The following TNS3 variants were observed in gnomAD, a reference collection of about 807,000 sequenced individuals.
The protein encoded by TNS3 is tensin-3.
Under a neutral mutation model 140.9 loss-of-function variants are expected in TNS3, and 45 were observed. That is an observed-to-expected ratio of 0.32 (90% CI 0.25 to 0.41). The LOEUF is 0.41. Ranked by LOEUF, TNS3 falls within the 10% of genes least tolerant of loss-of-function variation. The pLI is 1.00. For synonymous variants in TNS3, 815 were observed against 788.4 expected (o/e 1.03, Z -0.56); for missense variants, 1,716 against 1,906.7 (o/e 0.90, Z 1.86).
At chr7:47,518,357 TC>T (rs1798850176) in intron 2 of TNS3, among the ~76,000 whole-genome samples, 1 of 152,096 alleles carries the variant, frequency 6.6e-6, no homozygotes, top group East Asian at 1.9e-4. Context: ...CATGCTCTTA[TC>T]TATTTGCTGT....
At chr7:47,339,920 T>C (rs1053507169) in intron 20 of TNS3, among the ~76,000 whole-genome samples, 2 of 148,250 alleles carry the variant, frequency 1.3e-5, no homozygotes, top group South Asian at 4.3e-4. Context: ...TAGGTTTACA[T>C]CTAACCATTT....
intron 3 of TNS3, 93 bp downstream of exon 3, chr7:47,506,814 G>C: frequency 4.1e-6 from 4 of 975,254 alleles, no homozygotes; most frequent in Non-Finnish European, 5.5e-6. Context: ...TTCTTTCCGT[G>C]GCTGCAGTCC....
chr7:47,464,096 G>C (rs111273411), intron 4 of TNS3, among the ~76,000 whole-genome samples: 1 of 152,138 alleles, frequency 6.6e-6, no homozygotes, highest in Non-Finnish European at 1.5e-5. Flanking sequence ...CAAAGCCTTA[G>C]AGGAATCCTT....
At position 47,368,857 on chromosome 7, in the gene TNS3, C is replaced by T; in HGVS notation, c.1789G>A (p.Val597Ile). 3 of 1,613,672 alleles carry T rather than the reference C, an allele frequency of 1.9e-6. No individual in the cohort carries two copies. The highest frequency in any genetic ancestry group is 1.7e-6 in the Non-Finnish European group (2 of 1,179,938). ...QTWVRQQQMV[V>I]AHQYSFAPDG... ...GGGGCGAAGCTATACTGGTGAGCTA[C>T]AACCATCTGCTGCTGGCGCACCCAG... The change falls in exon 17 of 31, where the codon GTA becomes ATA. Residue 597 changes from valine to isoleucine, a missense_variant. Val to Ile is a conservative substitution (Grantham distance 29). Transcript: ENST00000311160.
At chr7:47,533,103 T>TTATATATATATATATATATATATA in intron 1 of TNS3, among the ~76,000 whole-genome samples, 20 of 18,600 alleles carry the variant, frequency 1.1e-3, no homozygotes, top group East Asian at 2.2e-3. Context: ...TTGTCAGATT[T>TTATATATATATATATATATATATA]TATATATATA....
intron 16 of TNS3, among the ~76,000 whole-genome samples, chr7:47,388,967 A>AAGCAGAAGC (rs1259802141): frequency 1.3e-5 from 2 of 150,590 alleles, no homozygotes; most frequent in Middle Eastern, 3.4e-3. Flanking sequence ...GAAGAAGCAG[A>AAGCAGAAGC]AGCAGAAGAA....
intron 1 of TNS3, among the ~76,000 whole-genome samples, chr7:47,551,237 G>C (rs1297770945): frequency 1.3e-5 from 2 of 152,232 alleles, no homozygotes; most frequent in East Asian, 1.9e-4. Context: ...CGGGCAGAAG[G>C]CTGGCCTGGT....
rs1342861657 is a variant in TNS3, at chr7:47,303,401, C to A, written c.3006G>T (p.Leu1002=). 6.2e-7 allele frequency: 1 copy of A among 1,613,854 alleles called. No individual in the cohort carries two copies. The highest frequency in any genetic ancestry group is 1.7e-5 in the Admixed American group (1 of 60,020). Residue 1002 remains leucine, a synonymous_variant, in exon 22 of 31, where the codon CTG becomes CTT. Coordinates refer to ENST00000311160, the MANE Select transcript of TNS3 (RefSeq NM_022748.12). ...GGGAGTCCGGTGGCTCTGCTAGGGA[C>A]AGCTCATGGCTGTGGAAAGGAGCCT... ...ELQAPFHSHE[L]SLAEPPDSLA...
chr7:47,407,262 G>A lies in TNS3; in HGVS notation c.723+4465C>T, dbSNP rs1453267666. On this transcript the variant is annotated intron_variant, in intron 13 of 30. Transcript: ENST00000311160. The surrounding 1 kb of genome is among the most constrained non-coding windows in gnomAD (Gnocchi z 4.1). ...CCACAGATGTGAGCTCTGCTGTGAA[G>A]CCACTCCTTCTCTGACACGCTGGAA... Among the ~76,000 whole-genome samples the A allele has an allele frequency of 6.6e-6, 1 of 152,154 alleles. No homozygotes were observed. Among genetic ancestry groups the A allele is most frequent in the Non-Finnish European group, 1.5e-5 (1 of 68,024 alleles).
intron 17 of TNS3, among the ~76,000 whole-genome samples, chr7:47,348,049 G>A (rs931722385): frequency 3.3e-5 from 5 of 152,160 alleles, no homozygotes; most frequent in Admixed American, 3.3e-4. Context: ...GGCCAGGGAG[G>A]GGACCACCCT....
At chr7:47,491,877 CATCA>C (rs1797825960) in intron 3 of TNS3, among the ~76,000 whole-genome samples, 1 of 152,172 alleles carries the variant, frequency 6.6e-6, no homozygotes, top group African/African-American at 2.4e-5. Context: ...TGCATGGCCC[CATCA>C]ATCACAGCCA....
chr7:47,383,729 T>G (rs948168565), intron 16 of TNS3, among the ~76,000 whole-genome samples: 3 of 152,148 alleles, frequency 2.0e-5, no homozygotes, highest in African/African-American at 7.2e-5. Context: ...AGGGGATTTC[T>G]GCAAGGGAGC....
chr7:47,461,051 A>C lies in TNS3; in HGVS notation c.-75-18996T>G, dbSNP rs555528094. On this transcript the variant is annotated intron_variant, in intron 4 of 30. Coordinates refer to ENST00000311160, the MANE Select transcript of TNS3 (RefSeq NM_022748.12). The stretch of plus-strand genomic sequence containing the variant: ...CAGCTGTTAGAATGTGTCCAGTCTC[A>C]CTGACAATGCTGGAGTTGAAAAAAA... Among the ~76,000 whole-genome samples the C allele has an allele frequency of 2.0e-5, 3 of 152,332 alleles. No homozygotes were observed. In the East Asian group the frequency reaches 5.8e-4, roughly 29 times the overall value.
intron 1 of TNS3, among the ~76,000 whole-genome samples, chr7:47,540,757 C>T (rs1310642078): frequency 6.6e-6 from 1 of 152,112 alleles, no homozygotes; most frequent in Non-Finnish European, 1.5e-5. Context: ...GGTGGTAAAG[C>T]GCCGTATTTT....
At chr7:47,387,315 C>A (rs1792131764) in intron 16 of TNS3, among the ~76,000 whole-genome samples, 1 of 152,220 alleles carries the variant, frequency 6.6e-6, no homozygotes, top group Admixed American at 6.5e-5. Flanking sequence ...TAAGAACCAA[C>A]TTGGAATCCT....
In TNS3 at chr7:47,424,034, G is replaced by T. The variant is rs150385411; in HGVS notation, c.473+67C>A. ...TCGGGACAGAGGAGATGCCTCTTCT[G>T]TTTTCACATTTTTATATGTAAAATT... On this transcript the variant is annotated intron_variant, in intron 10 of 30. Transcript: ENST00000311160. The T allele has an allele frequency of 1.0e-4, 153 of 1,522,394 alleles. No homozygotes were observed. The East Asian group carries it at 3.4e-3, about 34-fold the overall frequency. 94.3% of individuals were successfully genotyped at this position (1,522,394 alleles called of 1,614,324 possible).
At chr7:47,548,553 G>C (rs939914161) in intron 1 of TNS3, among the ~76,000 whole-genome samples, 1 of 152,126 alleles carries the variant, frequency 6.6e-6, no homozygotes, top group East Asian at 1.9e-4. Context: ...ACCATCTCCT[G>C]ATGCATTTTC....
At chr7:47,557,718 T>TTAACA (rs1285307660) in intron 1 of TNS3, among the ~76,000 whole-genome samples, 1 of 152,214 alleles carries the variant, frequency 6.6e-6, no homozygotes, top group Non-Finnish European at 1.5e-5. Context: ...TGTGAGGACA[T>TTAACA]TTTAACCATC....
At chr7:47,537,821 C>T (rs1014894333) in intron 1 of TNS3, among the ~76,000 whole-genome samples, 2 of 152,060 alleles carry the variant, frequency 1.3e-5, no homozygotes, top group African/African-American at 4.8e-5. Flanking sequence ...TACTAAAAAA[C>T]TAGGAGCCTG....
Sources: allele counts gnomAD v4.1 joint callset (sites outside exome capture counted in the v4.1 genomes callset), GRCh38; gene constraint gnomAD v4.1.1; non-coding constraint Gnocchi (gnomAD v3.1); transcripts MANE v1.5; gene names NCBI Gene and HGNC (gene_info 2026-07-23, HGNC 2026-07-21).